The following NR2C2 variants were observed in gnomAD, a reference collection of about 807,000 sequenced individuals.
The protein encoded by NR2C2 is Nuclear hormone receptor TR4.
NR2C2 carries 6 observed loss-of-function variants against 62.9 expected under a neutral mutation model. The observed-to-expected ratio is 0.10, with a 90% confidence interval of 0.05 to 0.19. The LOEUF (loss-of-function observed/expected upper bound fraction) is 0.19, where lower values mean the gene tolerates loss of function less well. NR2C2 is among the 10% of genes least tolerant of loss of function. The probability of loss-of-function intolerance (pLI) is 1.00; values close to 1 mark genes in which losing one functional copy is unlikely to be tolerated. For missense variants in NR2C2, 479 were observed against 762.7 expected (o/e 0.63, Z 4.38); for synonymous variants, 272 against 273.8 (o/e 0.99, Z 0.07).
At chr3:14,953,005 C>A (rs1047474130) in intron 1 of NR2C2, among the ~76,000 whole-genome samples, 8 of 152,148 alleles carry the variant, frequency 5.3e-5, no homozygotes, top group Admixed American at 2.0e-4. Context: ...GTTAAAGGTA[C>A]AATAAATGCA....
chr3:15,036,815 G>T (rs1486643618), intron 11 of NR2C2, among the ~76,000 whole-genome samples: 1 of 152,162 alleles, frequency 6.6e-6, no homozygotes, highest in Non-Finnish European at 1.5e-5. Context: ...TTACATAAGG[G>T]TGAAGTTTAA....
intron 6 of NR2C2, 146 bp from the exon 7 acceptor site, chr3:15,023,969 G>T: frequency 1.6e-6 from 1 of 641,122 alleles, no homozygotes; most frequent in Non-Finnish European, 2.7e-6. Context: ...TGGGGGTTCT[G>T]CTTAGTCACT....
At chr3:15,022,730 A>G (rs2041708506) in intron 5 of NR2C2, among the ~76,000 whole-genome samples, 1 of 152,102 alleles carries the variant, frequency 6.6e-6, no homozygotes, top group South Asian at 2.1e-4. Flanking sequence ...TGTTAGCAGC[A>G]TGAAGTAAAA....
At chr3:15,001,896 G>A (rs2041014481) in intron 1 of NR2C2, among the ~76,000 whole-genome samples, 1 of 152,104 alleles carries the variant, frequency 6.6e-6, no homozygotes, top group South Asian at 2.1e-4. Flanking sequence ...AAGGTTACAG[G>A]CTTGAGCCAC....
At chr3:15,028,847 C>T in intron 8 of NR2C2, 128 bp downstream of exon 8, 1 of 1,007,546 alleles carries the variant, frequency 9.9e-7, no homozygotes, top group Non-Finnish European at 1.4e-6. Flanking sequence ...TTACAATGAC[C>T]CTGCTCATCT....
chr3:14,965,703 C>G (rs2039830420), intron 1 of NR2C2, among the ~76,000 whole-genome samples: 1 of 151,772 alleles, frequency 6.6e-6, no homozygotes, highest in Non-Finnish European at 1.5e-5. Flanking sequence ...CTCTTGTTGC[C>G]CAAGCTGTGG....
chr3:15,025,850 T>C (rs1303841666), intron 7 of NR2C2: 4 of 152,236 alleles, frequency 2.6e-5, no homozygotes, highest in Admixed American at 1.3e-4. Flanking sequence ...TACCTTTCTG[T>C]TAATGAGGAT....
At chr3:15,022,398 C>CTTTT (rs71038450) in intron 5 of NR2C2, among the ~76,000 whole-genome samples, 185 of 89,096 alleles carry the variant, frequency 2.1e-3, no homozygotes, top group African/African-American at 2.9e-3. Context: ...CTTTTTCTTT[C>CTTTT]TTTTTTTTTT....
Position 14,969,595 on chromosome 3 carries a change from A to G in NR2C2, c.-40+21689A>G, listed in dbSNP as rs574803648. On this transcript the variant is annotated intron_variant, in intron 1 of 13. Transcript: ENST00000425241. The stretch of plus-strand genomic sequence containing the variant: ...TGAGTCAGGAGAAATTTAGGAGTTA[A>G]CTTGCTGAAGTATTTTGAGTGCTTA... Among the ~76,000 whole-genome samples the G allele has an allele frequency of 2.2e-4, 34 of 152,356 alleles. 4 individuals are homozygous for G. The highest frequency in any genetic ancestry group is 2.1e-3 in the South Asian group (10 of 4,832).
At position 15,043,055 on chromosome 3, in the gene NR2C2, G is replaced by A. The variant is rs568041672; in HGVS notation, c.*47G>A. 76 of 1,523,430 alleles carry A rather than the reference G, an allele frequency of 5.0e-5. No homozygotes were observed. The highest frequency in any genetic ancestry group is 3.5e-4 in the Middle Eastern group (2 of 5,706). 94.4% of individuals were successfully genotyped at this position (1,523,430 alleles called of 1,614,324 possible). ...GGAGCAACAGAATCCTTCCAGGACC[G>A]TTCACATACAAAGAAAAGTAGTGGT... On this transcript the variant is annotated 3_prime_UTR_variant, in exon 14 of 14. Transcript: ENST00000425241.
intron 1 of NR2C2, among the ~76,000 whole-genome samples, chr3:14,988,993 T>C (rs2040589881): frequency 6.6e-6 from 1 of 152,206 alleles, no homozygotes; most frequent in African/African-American, 2.4e-5. Context: ...GTAATACCTC[T>C]TTTCTCCTAC....
chr3:14,997,470 C>T (rs2040864492), intron 1 of NR2C2, among the ~76,000 whole-genome samples: 1 of 152,174 alleles, frequency 6.6e-6, no homozygotes, highest in Non-Finnish European at 1.5e-5. Flanking sequence ...AATGAATATG[C>T]TCTGATAAAG....
Position 15,004,509 on chromosome 3 carries a change from T to C in NR2C2, c.72+523T>C, listed in dbSNP as rs748890794. 1.0e-5 allele frequency: 16 copies of C among 1,531,750 alleles called. No homozygotes were observed. The African/African-American group carries it at 2.1e-4, about 20-fold the overall frequency. The allele number at this position is 1,531,750 out of a possible 1,614,324, so 94.9% of individuals were successfully genotyped here. ...ATTATATAATAACTTATTACTAATATTGTTATTAACTAATCGATATTCACT... is the reference window on the plus strand; with the variant it reads ...ATTATATAATAACTTATTACTAATACTGTTATTAACTAATCGATATTCACT... On this transcript the variant is annotated intron_variant, in intron 2 of 13. Coordinates refer to ENST00000425241, the MANE Select transcript of NR2C2 (RefSeq NM_001291694.2).
At chr3:14,951,937 G>A (rs141636734) in intron 1 of NR2C2, among the ~76,000 whole-genome samples, 5 of 152,222 alleles carry the variant, frequency 3.3e-5, no homozygotes, top group African/African-American at 7.2e-5. Context: ...TAGTAGAGAC[G>A]GTGTTTCACC....
intron 4 of NR2C2, among the ~76,000 whole-genome samples, chr3:15,017,855 A>G (rs1462924541): frequency 6.6e-6 from 1 of 152,260 alleles, no homozygotes; most frequent in Non-Finnish European, 1.5e-5. Context: ...TGTGAAATGT[A>G]TCCTCCTTGG....
At chr3:15,014,640 G>GT (rs574922804) in intron 3 of NR2C2, among the ~76,000 whole-genome samples, 4 of 151,956 alleles carry the variant, frequency 2.6e-5, no homozygotes, top group Non-Finnish European at 4.4e-5. Context: ...TCATTGAATA[G>GT]TAACTCTCCT....
intron 1 of NR2C2, among the ~76,000 whole-genome samples, chr3:14,992,945 T>C (rs2040711554): frequency 6.6e-6 from 1 of 152,152 alleles, no homozygotes; most frequent in Admixed American, 6.5e-5. Context: ...TTATACAGTG[T>C]AAACTAAGTG....
At chr3:15,038,806 T>G (rs2042173215) in intron 12 of NR2C2, 1 of 236,076 alleles carries the variant, frequency 4.2e-6, no homozygotes, top group African/African-American at 2.3e-5. Context: ...AATGACAATT[T>G]GTAATTTTAT....
chr3:14,969,710 T>C (rs1674991688), intron 1 of NR2C2, among the ~76,000 whole-genome samples: 2 of 152,200 alleles, frequency 1.3e-5, no homozygotes. Flanking sequence ...TACAACCCTT[T>C]TCCTTGATCC....
Sources: gnomAD v4.1 joint callset for allele counts (sites outside exome capture counted in the v4.1 genomes callset) on GRCh38, gnomAD v4.1.1 for gene constraint, MANE v1.5 for transcripts, NCBI Gene and HGNC (gene_info 2026-07-23, HGNC 2026-07-21) for gene names.